NLRP3: variants seen among roughly 807,000 people sequenced by gnomAD.
The protein encoded by NLRP3 is NLR family pyrin domain containing 3.
A neutral mutation model predicts 91.3 loss-of-function variants in NLRP3; 48 were observed. The observed-to-expected ratio is 0.53, with a 90% confidence interval of 0.42 to 0.67. NLRP3 has a LOEUF of 0.67. Among genes scored for constraint, NLRP3 ranks in the 30% least tolerant of loss-of-function variants. The pLI is 0.00. For synonymous variants in NLRP3, 561 were observed against 507.9 expected (o/e 1.10, Z -1.41); for missense variants, 982 against 1,276.9 (o/e 0.77, Z 3.52).
intron 4 of NLRP3, among the ~76,000 whole-genome samples, chr1:247,426,960 G>A (rs1662933990): frequency 6.6e-6 from 1 of 151,772 alleles, no homozygotes; most frequent in South Asian, 2.1e-4. Flanking sequence ...AAACAGTTCC[G>A]AGTGACTGGA....
chr1:247,431,533 C>T (rs917766935), intron 5 of NLRP3, among the ~76,000 whole-genome samples: 2 of 152,178 alleles, frequency 1.3e-5, no homozygotes, highest in Non-Finnish European at 2.9e-5. Context: ...CACGCAGTGA[C>T]CTCCTAGACC....
intron 7 of NLRP3, among the ~76,000 whole-genome samples, chr1:247,441,775 TA>T (rs1664260149): frequency 6.6e-6 from 1 of 152,246 alleles, no homozygotes; most frequent in African/African-American, 2.4e-5. Context: ...GCTTAATAGT[TA>T]CCAGCATTTT....
intron 2 of NLRP3, among the ~76,000 whole-genome samples, chr1:247,419,572 C>T (rs1384945289): frequency 6.6e-6 from 1 of 152,180 alleles, no homozygotes; most frequent in African/African-American, 2.4e-5. Context: ...AATGATAACT[C>T]CTCATTGCCT....
At chr1:247,418,018 C>T (rs1020634374) in intron 1 of NLRP3, 35 bp from the exon 2 acceptor site, 1 of 152,246 alleles carries the variant, frequency 6.6e-6, no homozygotes, top group Non-Finnish European at 1.5e-5. Context: ...TTTGGAGGAA[C>T]TGAAAACATT....
Position 247,418,591 on chromosome 1 carries a change from T to G in NLRP3, c.-210T>G, listed in dbSNP as rs1415513981. On this transcript the variant is annotated 5_prime_UTR_variant, in exon 2 of 10. Transcript: ENST00000336119. ...TGCTGGGATTACAGGCGTGAGCCACTGTGCCCGGCCTTGGCTAACTTTTCA... is the reference window on the plus strand; with the variant it reads ...TGCTGGGATTACAGGCGTGAGCCACGGTGCCCGGCCTTGGCTAACTTTTCA... 1 of 611,760 alleles carries G rather than the reference T, an allele frequency of 1.6e-6. No individual in the cohort carries two copies. Among genetic ancestry groups the G allele is most frequent in the Non-Finnish European group, 2.8e-6 (1 of 352,398 alleles). The allele number at this position is 611,760 out of a possible 1,614,324, so 37.9% of individuals were successfully genotyped here. A position where few individuals can be genotyped will look rare whatever the true frequency, so the allele number is the denominator to read the frequency against.
In NLRP3 at chr1:247,419,031, C is replaced by T. The variant is rs1255853232; in HGVS notation, c.231C>T (p.Asn77=). 8 of 1,613,090 alleles carry T rather than the reference C, an allele frequency of 5.0e-6. No homozygotes were observed. Among genetic ancestry groups the T allele is most frequent in the African/African-American group, 1.3e-5 (1 of 74,836 alleles). Residue 77 remains asparagine, a synonymous_variant, in exon 2 of 10, where the codon AAC becomes AAT. Transcript: ENST00000336119. Reference sequence around the variant, plus strand: ...CCGTGTGGATCTTCGCTGCGATCAACAGGAGAGACCTTTATGAGAAAGCAA... The same window carrying T: ...CCGTGTGGATCTTCGCTGCGATCAATAGGAGAGACCTTTATGAGAAAGCAA... ...AMAVWIFAAI[N]RRDLYEKAKR...
chr1:247,429,935 C>T (rs527670954), intron 5 of NLRP3, among the ~76,000 whole-genome samples, 180 bp downstream of exon 5: 7 of 152,110 alleles, frequency 4.6e-5, no homozygotes, highest in East Asian at 1.9e-4. Context: ...AGTGCAATGC[C>T]GTGACCTCGG....
chr1:247,447,619 A>G (rs1664667983), intron 9 of NLRP3, among the ~76,000 whole-genome samples: 1 of 152,176 alleles, frequency 6.6e-6, no homozygotes, highest in Admixed American at 6.5e-5. Context: ...GGCAAATGCA[A>G]TGTGTAGAAT....
At chr1:247,428,866 G>A (rs1250234396) in intron 4 of NLRP3, among the ~76,000 whole-genome samples, 1 of 151,316 alleles carries the variant, frequency 6.6e-6, no homozygotes, top group African/African-American at 2.4e-5. Context: ...TATTTCCATG[G>A]ATGTGGCCTG....
Position 247,424,726 on chromosome 1 carries a change from G to A in NLRP3, c.1277G>A (p.Ser426Asn). The stretch of plus-strand genomic sequence containing the variant: ...ACTGGACTGAAACAGCAGATGGAGA[G>A]TGGCAAGAGCCTTGCCCAGACATCC... ...VCTGLKQQME[S>N]GKSLAQTSKT... Residue 426 changes from serine (S) to asparagine (N), a missense_variant, in exon 4 of 10, where the codon AGT (serine) becomes AAT (asparagine). Physicochemically the swap from Ser to Asn is conservative, Grantham distance 46. Around this residue, in one of 5 missense-constraint regions of NLRP3, gnomAD observed 548 missense variants for 713.7 expected, o/e 0.77. Transcript: ENST00000336119. The surrounding 1 kb of genome is among the most constrained non-coding windows in gnomAD (Gnocchi z 8.1). The A allele has an allele frequency of 6.2e-7, 1 of 1,614,080 alleles. No individual in the cohort carries two copies.
intron 4 of NLRP3, among the ~76,000 whole-genome samples, chr1:247,427,367 A>G (rs368279230): frequency 2.0e-5 from 3 of 152,352 alleles, no homozygotes; most frequent in East Asian, 3.9e-4. Context: ...AGACAGAGAG[A>G]AAAGTAGGCA....
rs961095272 is a variant in NLRP3, at chr1:247,436,331, T to G, written c.2663+191T>G. Among the ~76,000 whole-genome samples, 55 of 152,328 alleles carry G rather than the reference T, an allele frequency of 3.6e-4. No homozygotes were observed. The Middle Eastern group carries it at 0.01, about 28-fold the overall frequency. ...CTGCTAATAAGATAATTTATGCTAA[T>G]TTATGATTATAGAACTAGAGTTTCT... On this transcript the variant is annotated intron_variant, in intron 7 of 9. Coordinates refer to ENST00000336119, the MANE Select transcript of NLRP3 (RefSeq NM_001243133.2).
At chr1:247,442,058 ATAGAAT>A (rs1176485373) in intron 7 of NLRP3, among the ~76,000 whole-genome samples, 3 of 152,266 alleles carry the variant, frequency 2.0e-5, no homozygotes, top group African/African-American at 7.2e-5. Flanking sequence ...CAACCCTCTG[ATAGAAT>A]TCTTACCGGG....
At position 247,419,447 on chromosome 1, in the gene NLRP3, G is replaced by A. The variant is rs139190726; in HGVS notation, c.277+370G>A. Among the ~76,000 whole-genome samples, 663 of 152,196 alleles carry A rather than the reference G, an allele frequency of 4.4e-3. 2 individuals carry two copies. The highest frequency in any genetic ancestry group is 6.9e-3 in the Non-Finnish European group (468 of 68,024). On this transcript the variant is annotated intron_variant, in intron 2 of 9. Coordinates refer to ENST00000336119, the MANE Select transcript of NLRP3 (RefSeq NM_001243133.2). The stretch of plus-strand genomic sequence containing the variant: ...TGGAATTACAGGTGTGAGCCACCGC[G>A]CCCGGCCGTAATAATTTTTAAATGT...
At chr1:247,428,811 A>G (rs1663095850) in intron 4 of NLRP3, among the ~76,000 whole-genome samples, 1 of 152,082 alleles carries the variant, frequency 6.6e-6, no homozygotes, top group Admixed American at 6.6e-5. Flanking sequence ...CATCTGAAAA[A>G]AAATTTAAAA....
At position 247,436,013 on chromosome 1, in the gene NLRP3, G is replaced by C. The variant is rs773376112; in HGVS notation, c.2536G>C (p.Ala846Pro). ...CLTSACCQDL[A>P]SVLSTSHSLT... is the part of the protein sequence containing the mutation. ...CACATCAGCATGTTGTCAGGATCTT[G>C]CATCAGTATTGAGCACCAGCCATTC... Residue 846 changes from alanine (A) to proline (P), a missense_variant, in exon 7 of 10, where the codon GCA (alanine) becomes CCA (proline). This residue lies in a region of NLRP3 where 373 missense variants were observed against 431.5 expected (regional missense o/e 0.86). Coordinates refer to ENST00000336119, the MANE Select transcript of NLRP3 (RefSeq NM_001243133.2). The C allele has an allele frequency of 3.1e-6, 5 of 1,614,042 alleles. No individual in the cohort carries two copies. The African/African-American group carries it at 6.7e-5, about 22-fold the overall frequency.
At chr1:247,438,977 T>A (rs765639018) in intron 7 of NLRP3, among the ~76,000 whole-genome samples, 1 of 151,376 alleles carries the variant, frequency 6.6e-6, no homozygotes, top group Non-Finnish European at 1.5e-5. Flanking sequence ...TGTCCATCCA[T>A]CCATCCATCC....
chr1:247,448,326 G>T, intron 9 of NLRP3, 79 bp from the exon 10 acceptor site: 2 of 675,300 alleles, frequency 3.0e-6, no homozygotes, highest in Non-Finnish European at 5.6e-6. Flanking sequence ...GGGAAATGAA[G>T]AGATGAGACT....
chr1:247,448,011 C>A (rs935689686), intron 9 of NLRP3, among the ~76,000 whole-genome samples: 3 of 144,444 alleles, frequency 2.1e-5, no homozygotes, highest in African/African-American at 7.6e-5. Flanking sequence ...GCACTTAGAG[C>A]TTTTTTTTTT....
Sources: gnomAD v4.1 joint callset for allele counts (sites outside exome capture counted in the v4.1 genomes callset) on GRCh38, gnomAD v4.1.1 for gene constraint, gnomAD v4.1.1 regional missense constraint, Gnocchi (gnomAD v3.1) non-coding constraint, MANE v1.5 for transcripts, NCBI Gene and HGNC (gene_info 2026-07-23, HGNC 2026-07-21) for gene names.